Variants in MYO1H observed in about 807,000 individuals in gnomAD.
MYO1H encodes unconventional myosin-Ih.
Under a neutral mutation model 149.3 loss-of-function variants are expected in MYO1H, and 118 were observed. The observed-to-expected ratio is 0.79, with a 90% CI of 0.68 to 0.92. MYO1H has a LOEUF of 0.92. Among genes scored for constraint, MYO1H ranks in the 40% least tolerant of loss-of-function variants. MYO1H has a pLI of 0.00. For missense variants in MYO1H, 1,212 were observed against 1,280.7 expected, an observed-to-expected ratio of 0.95 and a Z score of 0.82; for synonymous variants, 447 against 465.2, an observed-to-expected ratio of 0.96 and a Z score of 0.50.
chr12:109,435,567 G>A (rs904880832), intron 21 of MYO1H, among the ~76,000 whole-genome samples: 12 of 152,154 alleles, frequency 7.9e-5, no homozygotes, highest in Middle Eastern at 3.2e-3. Flanking sequence ...GGGAGGGAGC[G>A]TCTCTTTTGA....
intron 1 of MYO1H, among the ~76,000 whole-genome samples, chr12:109,361,752 T>A (rs1868752276): frequency 7.3e-6 from 1 of 137,826 alleles, no homozygotes; most frequent in East Asian, 2.1e-4. Flanking sequence ...GAGGTTGCAG[T>A]GAGCTGTGAT....
At chr12:109,387,664 G>A (rs1297557694) in intron 1 of MYO1H, among the ~76,000 whole-genome samples, 1 of 152,110 alleles carries the variant, frequency 6.6e-6, no homozygotes, top group Non-Finnish European at 1.5e-5. Flanking sequence ...CGTGGTATGT[G>A]GGGGGGACAC....
the MYO1H span, among the ~76,000 whole-genome samples, chr12:109,336,642 G>GA: frequency 2.6e-5 from 4 of 152,160 alleles, no homozygotes; most frequent in South Asian, 4.1e-4. Context: ...GACATTAAAA[G>GA]AAAAAATCCA....
At chr12:109,382,113 G>T (rs1869216748) in intron 1 of MYO1H, among the ~76,000 whole-genome samples, 2 of 152,176 alleles carry the variant, frequency 1.3e-5, no homozygotes, top group Admixed American at 1.3e-4. Flanking sequence ...ATGTGGATTT[G>T]GGTAGTGTGT....
chr12:109,436,695 C>T (rs1043393435), intron 22 of MYO1H, 139 bp downstream of exon 22: 2 of 615,914 alleles, frequency 3.2e-6, no homozygotes, highest in Admixed American at 5.9e-5. Context: ...TCTGGGGCCT[C>T]TTCTCATTTT....
intron 15 of MYO1H, among the ~76,000 whole-genome samples, chr12:109,418,747 T>C (rs2135570337): frequency 6.6e-6 from 1 of 152,202 alleles, no homozygotes; most frequent in South Asian, 2.1e-4. Context: ...GGTTTCACCA[T>C]GTTGGCCAAG....
At chr12:109,367,039 G>A (rs79473682) in intron 1 of MYO1H, among the ~76,000 whole-genome samples, 5,777 of 152,212 alleles carry the variant, frequency 0.038, 121 homozygotes, top group Middle Eastern at 0.054. Context: ...CTTGTCCCAA[G>A]CAGTTCAAAT....
At chr12:109,392,440 C>T (rs1279826966) in intron 2 of MYO1H, among the ~76,000 whole-genome samples, 1 of 152,134 alleles carries the variant, frequency 6.6e-6, no homozygotes, top group Non-Finnish European at 1.5e-5. Flanking sequence ...GAAGTCTTCC[C>T]GGCCAGGCGC....
At chr12:109,351,570 AG>A (rs1447360486) in intron 1 of MYO1H, among the ~76,000 whole-genome samples, 1 of 152,216 alleles carries the variant, frequency 6.6e-6, no homozygotes, top group Non-Finnish European at 1.5e-5. Flanking sequence ...ATTTCTAAAG[AG>A]ATTGTAAATT....
chr12:109,334,868 T>A, the MYO1H span, among the ~76,000 whole-genome samples: 1 of 152,230 alleles, frequency 6.6e-6, no homozygotes, highest in African/African-American at 2.4e-5. Context: ...CACAAAGTTA[T>A]GAACTGTCAC....
the MYO1H span, among the ~76,000 whole-genome samples, chr12:109,321,110 T>G: frequency 6.6e-5 from 10 of 151,714 alleles, no homozygotes; most frequent in Non-Finnish European, 7.4e-5. Context: ...AAACACAAAT[T>G]AAGGGCATAA....
At chr12:109,392,757 T>C (rs1311410022) in intron 2 of MYO1H, among the ~76,000 whole-genome samples, 3 of 151,904 alleles carry the variant, frequency 2.0e-5, no homozygotes, top group African/African-American at 7.3e-5. Flanking sequence ...TAATATGGCC[T>C]GCCTTTATTG....
At chr12:109,399,250 C>T (rs1870048923) in intron 5 of MYO1H, among the ~76,000 whole-genome samples, 1 of 152,264 alleles carries the variant, frequency 6.6e-6, no homozygotes, top group East Asian at 1.9e-4. Context: ...TGAATTTCTA[C>T]GTATGTGTCC....
the MYO1H span, among the ~76,000 whole-genome samples, chr12:109,325,456 T>C: frequency 1.3e-5 from 2 of 152,162 alleles, no homozygotes; most frequent in African/African-American, 2.4e-5. Flanking sequence ...AAGACTTAAG[T>C]GTAAAACCCA....
chr12:109,439,606 A>T (rs750477547), intron 23 of MYO1H, 25 bp from the exon 24 acceptor site: 1 of 1,595,110 alleles, frequency 6.3e-7, no homozygotes, highest in Middle Eastern at 1.7e-4. Context: ...GGTCCAGAAA[A>T]GTAAGAAAAC....
chr12:109,396,402 C>T (rs761953211), exon 4 of MYO1H: 33 of 1,611,164 alleles, frequency 2.0e-5, no homozygotes, highest in Middle Eastern at 1.7e-4. Flanking sequence ...TAGCCGACAA[C>T]GCTTACCGAA....
intron 18 of MYO1H, among the ~76,000 whole-genome samples, chr12:109,427,195 A>G (rs914731454): frequency 6.6e-6 from 1 of 151,978 alleles, no homozygotes; most frequent in Non-Finnish European, 1.5e-5. Context: ...GTGCACCTGT[A>G]ATCCCCACTA....
intron 6 of MYO1H, among the ~76,000 whole-genome samples, chr12:109,402,944 C>G (rs1233620432): frequency 6.6e-6 from 1 of 152,078 alleles, no homozygotes; most frequent in Admixed American, 6.6e-5. Context: ...CACATTAATT[C>G]AACTAGATCT....
chr12:109,424,773 T>C, exon 17 of MYO1H: 1 of 1,613,906 alleles, frequency 6.2e-7, no homozygotes. Flanking sequence ...AAGAACATTA[T>C]CCTGAGGGAA....
Sources: gnomAD v4.1 joint callset for allele counts (sites outside exome capture counted in the v4.1 genomes callset) on GRCh38, gnomAD v4.1.1 for gene constraint, MANE v1.5 for transcripts, NCBI Gene and HGNC (gene_info 2026-07-23, HGNC 2026-07-21) for gene names.